Variants in LAMA2 observed in about 807,000 individuals in gnomAD.
The protein encoded by LAMA2 is laminin subunit alpha-2.
A neutral mutation model predicts 364.8 loss-of-function variants in LAMA2; 269 were observed. The ratio of observed to expected loss-of-function variants is 0.74; its 90% confidence interval spans 0.67 to 0.82. LAMA2 has a LOEUF of 0.82. Among genes scored for constraint, LAMA2 ranks in the 40% least tolerant of loss-of-function variants. LAMA2 has a pLI of 0.00. For missense variants in LAMA2, 3,807 were observed against 3,873.2 expected, an observed-to-expected ratio of 0.98 and a Z score of 0.45; for synonymous variants, 1,379 against 1,370.6, an observed-to-expected ratio of 1.01 and a Z score of -0.14.
intron 31 of LAMA2, among the ~76,000 whole-genome samples, chr6:129,352,587 T>C (rs1776913857): frequency 6.6e-6 from 1 of 152,226 alleles, no homozygotes; most frequent in East Asian, 1.9e-4. Context: ...TTTTGAGATC[T>C]GAAATTCATG....
chr6:129,481,122 A>G, intron 54 of LAMA2, 141 bp from the exon 55 acceptor site: 1 of 700,542 alleles, frequency 1.4e-6, no homozygotes, highest in Non-Finnish European at 2.5e-6. Context: ...CTGCTCTTAA[A>G]CTTTCCATGT....
intron 40 of LAMA2, among the ~76,000 whole-genome samples, chr6:129,407,969 G>A (rs1289368761): frequency 6.6e-6 from 1 of 152,160 alleles, no homozygotes; most frequent in Non-Finnish European, 1.5e-5. Context: ...CTGTTGACTT[G>A]GAGGTAGGAG....
intron 3 of LAMA2, among the ~76,000 whole-genome samples, chr6:129,066,872 T>G (rs1192363334): frequency 6.6e-6 from 1 of 152,188 alleles, no homozygotes; most frequent in Non-Finnish European, 1.5e-5. Flanking sequence ...GATGTCCACA[T>G]GCAGAAGAAT....
rs1175732057 is a variant in LAMA2, at chr6:129,516,260, C to T, written c.9282C>T (p.Thr3094=). The T allele has an allele frequency of 3.7e-6, 6 of 1,614,074 alleles. No individual in the cohort carries two copies. The highest frequency in any genetic ancestry group is 5.1e-6 in the Non-Finnish European group (6 of 1,179,976). Residue 3094 remains threonine, a synonymous_variant, in exon 65 of 65, where the codon ACC becomes ACT. Coordinates refer to ENST00000421865, the MANE Select transcript of LAMA2 (RefSeq NM_000426.4). ...GTTGCATCAGATCCCTGAAGCTCAC[C>T]AAAGGCACAGGCAAGCCACTGGAGG... ...FRGCIRSLKL[T]KGTGKPLEVN...
At chr6:129,362,372 A>G (rs924644403) in intron 32 of LAMA2, among the ~76,000 whole-genome samples, 9 of 152,200 alleles carry the variant, frequency 5.9e-5, no homozygotes, top group African/African-American at 1.9e-4. Flanking sequence ...TTGTTCTCAC[A>G]TTCAGAAGTT....
intron 30 of LAMA2, among the ~76,000 whole-genome samples, chr6:129,348,061 C>T (rs1471131619): frequency 6.6e-6 from 1 of 152,148 alleles, no homozygotes; most frequent in Non-Finnish European, 1.5e-5. Flanking sequence ...CGTGCATGTG[C>T]GTGAGTGTGC....
chr6:129,430,540 T>A (rs138491187), intron 41 of LAMA2, among the ~76,000 whole-genome samples: 1 of 152,236 alleles, frequency 6.6e-6, no homozygotes. Flanking sequence ...TACATTGCAC[T>A]GATCGAATGT....
At chr6:129,016,823 G>A (rs1785105493) in intron 1 of LAMA2, among the ~76,000 whole-genome samples, 1 of 151,508 alleles carries the variant, frequency 6.6e-6, no homozygotes, top group Admixed American at 6.6e-5. Flanking sequence ...ATTACAATAA[G>A]TTGAGATTAT....
At chr6:129,084,048 T>C (rs765911794) in intron 3 of LAMA2, among the ~76,000 whole-genome samples, 9 of 152,200 alleles carry the variant, frequency 5.9e-5, no homozygotes, top group Non-Finnish European at 1.3e-4. Flanking sequence ...CAATAAGCAA[T>C]GTGTTGCTTG....
At chr6:129,264,447 G>A (rs1044271082) in intron 15 of LAMA2, among the ~76,000 whole-genome samples, 3 of 152,058 alleles carry the variant, frequency 2.0e-5, no homozygotes, top group African/African-American at 4.8e-5. Context: ...AAAACGCTGT[G>A]AAGTGTAAAT....
intron 3 of LAMA2, among the ~76,000 whole-genome samples, chr6:129,081,152 C>A (rs1349380496): frequency 6.6e-6 from 1 of 151,440 alleles, no homozygotes; most frequent in African/African-American, 2.4e-5. Context: ...GACAGGAAAC[C>A]AAACACCGCA....
intron 12 of LAMA2, among the ~76,000 whole-genome samples, chr6:129,217,975 A>C (rs891159136): frequency 6.6e-6 from 1 of 152,050 alleles, no homozygotes; most frequent in Non-Finnish European, 1.5e-5. Flanking sequence ...CCAGGCTTTT[A>C]AAAAAAATTC....
chr6:129,468,964 G>A (rs142487226), intron 51 of LAMA2, among the ~76,000 whole-genome samples: 40 of 151,996 alleles, frequency 2.6e-4, no homozygotes, highest in African/African-American at 9.4e-4. Context: ...GGGGGTAGGA[G>A]GGGTGGAAGC....
At chr6:129,280,460 T>C (rs1416743228) in intron 18 of LAMA2, among the ~76,000 whole-genome samples, 1 of 152,194 alleles carries the variant, frequency 6.6e-6, no homozygotes, top group East Asian at 1.9e-4. Flanking sequence ...CTTTAAGATT[T>C]ATCTTACTGT....
intron 41 of LAMA2, among the ~76,000 whole-genome samples, chr6:129,434,697 A>C (rs2114754262): frequency 6.6e-6 from 1 of 152,250 alleles, no homozygotes; most frequent in Middle Eastern, 3.4e-3. Flanking sequence ...TGGATACACT[A>C]TGCCTCCTCT....
intron 1 of LAMA2, among the ~76,000 whole-genome samples, chr6:129,046,462 C>A (rs1440267752): frequency 6.6e-6 from 1 of 152,080 alleles, no homozygotes; most frequent in Non-Finnish European, 1.5e-5. Context: ...TTTATAAAAT[C>A]GCCAGATATT....
intron 17 of LAMA2, among the ~76,000 whole-genome samples, chr6:129,272,063 T>C (rs982466979): frequency 6.6e-6 from 1 of 152,154 alleles, no homozygotes; most frequent in African/African-American, 2.4e-5. Context: ...ACTCATTGTT[T>C]GGAAAAGAAG....
At position 129,430,848 on chromosome 6, in the gene LAMA2, A is replaced by ATAAT. The variant is rs751940747; in HGVS notation, c.5968+3007_5968+3010dup. ...ACAGAGTGAGAGCCTGTCTCAAATA[A>ATAAT]TAATTAATTAATTAATAATAAAAAT... On this transcript the variant is annotated intron_variant, in intron 41 of 64. Coordinates refer to ENST00000421865, the MANE Select transcript of LAMA2 (RefSeq NM_000426.4). Among the ~76,000 whole-genome samples, 190 of 152,220 alleles carry ATAAT rather than the reference A, an allele frequency of 1.2e-3. 1 individual carries two copies. Among genetic ancestry groups the ATAAT allele is most frequent in the Non-Finnish European group, 2.3e-3 (155 of 68,012 alleles).
chr6:128,934,826 T>TA (rs1414909422), intron 1 of LAMA2, among the ~76,000 whole-genome samples: 2 of 152,130 alleles, frequency 1.3e-5, no homozygotes, highest in East Asian at 1.9e-4. Context: ...CTACATTTTC[T>TA]AAAAAATTGC....
Sources: gnomAD v4.1 joint callset for allele counts (sites outside exome capture counted in the v4.1 genomes callset) on GRCh38, gnomAD v4.1.1 for gene constraint, MANE v1.5 for transcripts, NCBI Gene and HGNC (gene_info 2026-07-23, HGNC 2026-07-21) for gene names.